TMEM74: variants seen among roughly 807,000 people sequenced by gnomAD.
TMEM74 encodes the protein transmembrane protein 74.
Under a neutral mutation model 18.1 loss-of-function variants are expected in TMEM74, and 13 were observed. The ratio of observed to expected loss-of-function variants is 0.72; its 90% CI spans 0.47 to 1.14. The LOEUF is 1.14. Ranked by LOEUF, TMEM74 falls within the 50% of genes most tolerant of loss-of-function variation. TMEM74 has a pLI of 0.00. For synonymous variants in TMEM74, 159 were observed against 146.6 expected (o/e 1.08, Z -0.61); for missense variants, 372 against 375.9 (o/e 0.99, Z 0.09).
At chr8:108,617,350 C>T (rs760853552) in intron 2 of TMEM74, among the ~76,000 whole-genome samples, 59 of 152,204 alleles carry the variant, frequency 3.9e-4, no homozygotes, top group Admixed American at 7.2e-4. Context: ...TTGATGAACT[C>T]AGTGTTAATG....
chr8:108,652,514 C>T, intron 2 of TMEM74: 1 of 442,330 alleles, frequency 2.3e-6, no homozygotes. Context: ...GAGACCCTGA[C>T]CACCAGAGTG....
chr8:108,759,869 G>A (rs1814021030), intron 1 of TMEM74, among the ~76,000 whole-genome samples: 1 of 152,072 alleles, frequency 6.6e-6, no homozygotes, highest in South Asian at 2.1e-4. Context: ...ACCTGTAATA[G>A]GAAGAGTTTC....
At chr8:108,741,896 T>A (rs1476879341) in intron 1 of TMEM74, among the ~76,000 whole-genome samples, 2 of 152,092 alleles carry the variant, frequency 1.3e-5, no homozygotes, top group Non-Finnish European at 2.9e-5. Flanking sequence ...GGAATCAACC[T>A]AAATGCCCAT....
intron 1 of TMEM74, among the ~76,000 whole-genome samples, chr8:108,675,602 A>T (rs1409092107): frequency 6.6e-6 from 1 of 152,198 alleles, no homozygotes; most frequent in African/African-American, 2.4e-5. Context: ...TCTGGTCACA[A>T]CTTTATTCTG....
chr8:108,678,999 T>C (rs1434640154), intron 1 of TMEM74, among the ~76,000 whole-genome samples: 1 of 150,710 alleles, frequency 6.6e-6, no homozygotes, highest in Non-Finnish European at 1.5e-5. Flanking sequence ...CATGTGGTGT[T>C]TGGCTTTTTG....
chr8:108,648,214 G>C (rs1483614304), intron 2 of TMEM74, among the ~76,000 whole-genome samples: 1 of 150,312 alleles, frequency 6.7e-6, no homozygotes, highest in Non-Finnish European at 1.5e-5. Flanking sequence ...CATGTGACTT[G>C]TTTTGGTCAA....
At chr8:108,624,548 G>A (rs1812476093) in intron 2 of TMEM74, among the ~76,000 whole-genome samples, 1 of 152,050 alleles carries the variant, frequency 6.6e-6, no homozygotes, top group Non-Finnish European at 1.5e-5. Flanking sequence ...AAATAGATAT[G>A]CAAATATATT....
chr8:108,732,766 T>G (rs2130640325), intron 1 of TMEM74, among the ~76,000 whole-genome samples: 1 of 123,326 alleles, frequency 8.1e-6, no homozygotes, highest in Admixed American at 8.6e-5. Context: ...CAATTATACA[T>G]AGACAAATAT....
intron 1 of TMEM74, among the ~76,000 whole-genome samples, chr8:108,724,055 C>A (rs764849566): frequency 6.6e-6 from 1 of 152,148 alleles, no homozygotes; most frequent in Non-Finnish European, 1.5e-5. Flanking sequence ...CCTTCACACA[C>A]CCTGTACTTT....
intron 1 of TMEM74, among the ~76,000 whole-genome samples, chr8:108,740,588 CAT>C (rs1306449348): frequency 6.6e-6 from 1 of 152,100 alleles, no homozygotes; most frequent in Non-Finnish European, 1.5e-5. Context: ...CTGTTGGTGC[CAT>C]TTTTCCACCA....
chr8:108,679,671 T>C (rs10808427), intron 1 of TMEM74, among the ~76,000 whole-genome samples: 108,729 of 151,802 alleles, frequency 0.72, 39,662 homozygotes, highest in East Asian at 0.99. Context: ...GAGTAGGTTG[T>C]GAAAATTTTC....
At chr8:108,758,508 T>C (rs1814003626) in intron 1 of TMEM74, among the ~76,000 whole-genome samples, 1 of 152,044 alleles carries the variant, frequency 6.6e-6, no homozygotes, top group South Asian at 2.1e-4. Context: ...GAAAAGCAAA[T>C]TGAGACAATA....
chr8:108,654,162 G>T (rs1196128026), intron 2 of TMEM74, among the ~76,000 whole-genome samples: 1 of 151,748 alleles, frequency 6.6e-6, no homozygotes, highest in African/African-American at 2.4e-5. Flanking sequence ...CTTTTACTTA[G>T]TGGAAAATAA....
chr8:108,784,720 AGCTCCGGTTCCGCT>A lies in TMEM74; in HGVS notation c.365_378del (p.Gln122LeufsTer8). ...TGATTATGCCCTTTTGCTGATGGCG[AGCTCCGGTTCCGCT>A]GCTCCAAGTTGATGTTTTTGTCCAC... is the stretch of plus-strand genomic sequence containing the variant. On this transcript the variant is annotated frameshift_variant, in exon 2 of 2. Transcript: ENST00000297459. LOFTEE classifies it high-confidence loss of function. 6.2e-7 allele frequency: 1 copy of A among 1,614,120 alleles called. No individual in the cohort carries two copies. Among genetic ancestry groups the A allele is most frequent in the South Asian group, 1.1e-5 (1 of 91,064 alleles).
chr8:108,677,502 A>T (rs1224131958), intron 1 of TMEM74, among the ~76,000 whole-genome samples: 1 of 151,878 alleles, frequency 6.6e-6, no homozygotes, highest in East Asian at 1.9e-4. Context: ...AAAGAAATTG[A>T]TTTGGGGCTG....
intron 1 of TMEM74, among the ~76,000 whole-genome samples, chr8:108,700,082 C>G (rs1813320203): frequency 6.6e-6 from 1 of 151,496 alleles, no homozygotes. Flanking sequence ...TTCAGAAAAC[C>G]ACGGTTTTAA....
At chr8:108,666,986 T>A (rs1586253485) in intron 1 of TMEM74, among the ~76,000 whole-genome samples, 1 of 152,284 alleles carries the variant, frequency 6.6e-6, no homozygotes, top group East Asian at 1.9e-4. Flanking sequence ...ACATCATCCA[T>A]TTAAAATAGT....
At chr8:108,772,761 AG>A (rs1175822899) in intron 1 of TMEM74, among the ~76,000 whole-genome samples, 1 of 152,146 alleles carries the variant, frequency 6.6e-6, no homozygotes, top group East Asian at 1.9e-4. Context: ...ACCTCAAGCA[AG>A]TGTATTAAGT....
At chr8:108,720,323 T>C (rs889173490) in intron 1 of TMEM74, among the ~76,000 whole-genome samples, 3 of 152,240 alleles carry the variant, frequency 2.0e-5, no homozygotes, top group East Asian at 1.9e-4. Flanking sequence ...AACTAAACAT[T>C]GTTCTGTGAG....
Sources: allele counts gnomAD v4.1 joint callset (sites outside exome capture counted in the v4.1 genomes callset), GRCh38; gene constraint gnomAD v4.1.1; transcripts MANE v1.5; gene names NCBI Gene and HGNC (gene_info 2026-07-23, HGNC 2026-07-21).